SLC16A1: variants seen among roughly 807,000 people sequenced by gnomAD.
SLC16A1 encodes monocarboxylate transporter 1.
SLC16A1 carries 11 observed loss-of-function variants against 32.2 expected under a neutral mutation model. The observed-to-expected ratio is 0.34, with a 90% CI of 0.21 to 0.56. SLC16A1 has a LOEUF of 0.56. Ranked by LOEUF, SLC16A1 falls within the 20% of genes least tolerant of loss-of-function variation. SLC16A1 has a pLI of 0.87. For synonymous variants in SLC16A1, 231 were observed against 226.8 expected, an observed-to-expected ratio of 1.02 and a Z score of -0.17; for missense variants, 435 against 615.0, an observed-to-expected ratio of 0.71 and a Z score of 3.10.
rs1557842655 is a variant in SLC16A1 at position 112,913,952 on chromosome 1, G to A, written c.1442C>T (p.Ala481Val). 1 of 1,614,136 alleles carries A rather than the reference G, an allele frequency of 6.2e-7. No homozygotes were observed. The highest frequency in any genetic ancestry group is 2.2e-5 in the East Asian group (1 of 44,890). ...TGTGTCTTTCTGGTCCGGAGATTCT[G>A]CTGCTTTGGTAACTTCATTTGGCTT... is the stretch of plus-strand genomic sequence containing the variant. ...AGKPNEVTKA[A>V]ESPDQKDTDG... Residue 481 changes from alanine (A) to valine (V), a missense_variant, in exon 5 of 5, where the codon GCA (alanine) becomes GTA (valine). Around this residue, in one of 2 missense-constraint regions of SLC16A1, gnomAD observed 111 missense variants for 114.7 expected, o/e 0.97. Coordinates refer to ENST00000369626, the MANE Select transcript of SLC16A1 (RefSeq NM_003051.4).
intron 2 of SLC16A1, chr1:112,924,439 G>T: frequency 1.1e-6 from 1 of 888,468 alleles, no homozygotes; most frequent in South Asian, 1.4e-5. Flanking sequence ...AATTCTTAGG[G>T]ATGGAAGTAT....
chr1:112,953,353 G>A lies in SLC16A1; in HGVS notation c.-45+2682C>T, dbSNP rs998191542. On this transcript the variant is annotated intron_variant, in intron 1 of 4. Coordinates refer to ENST00000369626, the MANE Select transcript of SLC16A1 (RefSeq NM_003051.4). ...ATTTTTTGTATTTTTAATAGAGACA[G>A]GGTTTCACCATGTTGGCCAGGCTGG... Among the ~76,000 whole-genome samples, 3 of 152,186 alleles carry A rather than the reference G, an allele frequency of 2.0e-5. No individual in the cohort carries two copies. The East Asian group carries it at 5.8e-4, about 29-fold the overall frequency.
At position 112,923,117 on chromosome 1, in the gene SLC16A1, C is replaced by T. The variant is rs372796513; in HGVS notation, c.218-984G>A. Among the ~76,000 whole-genome samples the T allele has an allele frequency of 2.5e-4, 38 of 151,808 alleles. No homozygotes were observed. In the East Asian group the frequency reaches 6.5e-3, roughly 26 times the overall value. On this transcript the variant is annotated intron_variant, in intron 2 of 4. Transcript: ENST00000369626. Reference sequence around the variant, plus strand: ...GATGGATCACCTGAGGTCAGGAGTTCAAGACCAGCCTGACCGACATGGAGA... The same window carrying T: ...GATGGATCACCTGAGGTCAGGAGTTTAAGACCAGCCTGACCGACATGGAGA...
chr1:112,950,497 G>A (rs78991484), intron 1 of SLC16A1, among the ~76,000 whole-genome samples: 414 of 152,270 alleles, frequency 2.7e-3, no homozygotes, highest in Non-Finnish European at 4.6e-3. Flanking sequence ...CCTATACTAA[G>A]GCTAAGTCAT....
chr1:112,918,942 A>G (rs1037906002), intron 3 of SLC16A1, among the ~76,000 whole-genome samples: 4 of 152,154 alleles, frequency 2.6e-5, no homozygotes, highest in African/African-American at 9.7e-5. Context: ...AAATACACAC[A>G]AAGTTTTGGG....
intron 1 of SLC16A1, among the ~76,000 whole-genome samples, chr1:112,944,732 G>A (rs989862940): frequency 1.3e-5 from 2 of 151,880 alleles, no homozygotes; most frequent in Admixed American, 6.6e-5. Context: ...TCGCTCTGTC[G>A]CTGAGGTTGG....
In SLC16A1 at chr1:112,914,184, A is replaced by G; in HGVS notation, c.1229-19T>C. On this transcript the variant is annotated intron_variant, in intron 4 of 4. Coordinates refer to ENST00000369626, the MANE Select transcript of SLC16A1 (RefSeq NM_003051.4). ...AGCCGACCTAAATATGTAAAACAAC[A>G]CAAACAGTTGTTTCTAAGAGTAAAC... The G allele has an allele frequency of 3.7e-6, 6 of 1,613,570 alleles. No homozygotes were observed. Among genetic ancestry groups the G allele is most frequent in the Non-Finnish European group, 5.1e-6 (6 of 1,179,496 alleles).
chr1:112,933,443 G>A lies in SLC16A1; in HGVS notation c.-44-4091C>T, dbSNP rs117025599. Among the ~76,000 whole-genome samples the A allele has an allele frequency of 4.6e-3, 634 of 136,990 alleles. 10 individuals carry two copies. In the East Asian group the frequency reaches 0.082, roughly 18 times the overall value. 89.9% of individuals were successfully genotyped at this position (136,990 alleles called of 152,430 possible). A position where few individuals can be genotyped will look rare whatever the true frequency, so the allele number is the denominator to read the frequency against. On this transcript the variant is annotated intron_variant, in intron 1 of 4. Transcript: ENST00000369626. ...TGCACTCCAGCATGGCCGACACAGC[G>A]AGACTGCGTCTCAAAAAAAAAAAAA...
At chr1:112,944,382 T>C (rs776578300) in intron 1 of SLC16A1, among the ~76,000 whole-genome samples, 40 of 152,088 alleles carry the variant, frequency 2.6e-4, no homozygotes, top group Non-Finnish European at 5.1e-4. Context: ...GAGGTGGAAA[T>C]TGCATGAGCC....
chr1:112,952,849 C>T (rs1448912492), intron 1 of SLC16A1, among the ~76,000 whole-genome samples: 1 of 152,210 alleles, frequency 6.6e-6, no homozygotes. Flanking sequence ...AGTCACACAA[C>T]TTTTTAGTGT....
intron 2 of SLC16A1, chr1:112,924,242 C>A (rs1648852516): frequency 7.9e-6 from 12 of 1,512,882 alleles, no homozygotes; most frequent in Non-Finnish European, 1.1e-5. Context: ...TGGAGCAGAA[C>A]TTGGCAGCGG....
intron 3 of SLC16A1, 43 bp downstream of exon 3, chr1:112,921,947 C>A: frequency 6.2e-7 from 1 of 1,610,788 alleles, no homozygotes; most frequent in African/African-American, 1.3e-5. Context: ...ACAAAATAGC[C>A]AGCCATAAAC....
intron 1 of SLC16A1, among the ~76,000 whole-genome samples, chr1:112,949,257 C>G (rs1313344880): frequency 6.6e-6 from 1 of 152,134 alleles, no homozygotes; most frequent in African/African-American, 2.4e-5. Context: ...CCATGTTGGT[C>G]AAGCTGGTCT....
rs554756281 is a variant in SLC16A1, at chr1:112,917,799, T to C, written c.607A>G (p.Thr203Ala). Residue 203 changes from threonine to alanine, a missense_variant, in exon 4 of 5, where the codon ACC becomes GCC. Thr to Ala is a moderately conservative substitution (Grantham distance 58). Coordinates refer to ENST00000369626, the MANE Select transcript of SLC16A1 (RefSeq NM_003051.4). This position sits in a 1 kb window ranked among gnomAD's most constrained non-coding sequence, Gnocchi z 4.1. ...TTAGACTTATCTTTCCCTGCCTTGGTTGGCTTGGGCCCGATTGGTCGCATG... is the reference window on the plus strand; with the variant it reads ...TTAGACTTATCTTTCCCTGCCTTGGCTGGCTTGGGCCCGATTGGTCGCATG... Reference protein sequence around the residue: ...ALMRPIGPKPTKAGKDKSKAS... With the variant: ...ALMRPIGPKPAKAGKDKSKAS... 44 of 1,614,222 alleles carry C rather than the reference T, an allele frequency of 2.7e-5. No individual in the cohort carries two copies. In the South Asian group the frequency reaches 4.7e-4, roughly 17 times the overall value.
intron 1 of SLC16A1, among the ~76,000 whole-genome samples, chr1:112,953,511 AT>A (rs1293613305): frequency 6.6e-6 from 1 of 151,768 alleles, no homozygotes; most frequent in Admixed American, 6.6e-5. Flanking sequence ...CTCCTTTAAA[AT>A]TTTTTTACCC....
At chr1:112,932,305 T>C (rs1168756498) in intron 1 of SLC16A1, among the ~76,000 whole-genome samples, 2 of 151,906 alleles carry the variant, frequency 1.3e-5, no homozygotes, top group Non-Finnish European at 2.9e-5. Context: ...AAGACCAATG[T>C]AGGAGAATCG....
At chr1:112,922,310 ATAAT>A (rs1255966280) in intron 2 of SLC16A1, 177 bp from the exon 3 acceptor site, 9 of 644,134 alleles carry the variant, frequency 1.4e-5, no homozygotes, top group African/African-American at 9.1e-5. Flanking sequence ...GTTAGAAAAC[ATAAT>A]TAATTGTGCA....
intron 1 of SLC16A1, among the ~76,000 whole-genome samples, chr1:112,949,221 G>A (rs989911134): frequency 3.3e-5 from 5 of 151,984 alleles, no homozygotes; most frequent in African/African-American, 1.2e-4. Flanking sequence ...GGCTAATTTT[G>A]TATTTTTAGT....
In SLC16A1 at chr1:112,929,556, A is replaced by T. The variant is rs372416843; in HGVS notation, c.-44-204T>A. ...AGATCCTGTGTCTAAGAAAATTTTT[A>T]AAAAATTAGCTGGGTATGGTGGAGC... On this transcript the variant is annotated intron_variant, in intron 1 of 4. Transcript: ENST00000369626. Among the ~76,000 whole-genome samples, 448 of 152,218 alleles carry T rather than the reference A, an allele frequency of 2.9e-3. 1 individual carries two copies. Among genetic ancestry groups the T allele is most frequent in the Middle Eastern group, 0.01 (3 of 294 alleles).
Sources: gnomAD v4.1 joint callset for allele counts (sites outside exome capture counted in the v4.1 genomes callset) on GRCh38, gnomAD v4.1.1 for gene constraint, gnomAD v4.1.1 regional missense constraint, Gnocchi (gnomAD v3.1) non-coding constraint, MANE v1.5 for transcripts, NCBI Gene and HGNC (gene_info 2026-07-23, HGNC 2026-07-21) for gene names.